The following KSR2 variants were observed in gnomAD, a reference collection of about 807,000 sequenced individuals.
KSR2 encodes the protein kinase suppressor of ras 2.
In KSR2, 25 loss-of-function variants were observed where a neutral mutation model predicts 107.8. The observed-to-expected ratio is 0.23, with a 90% CI of 0.17 to 0.32. KSR2 has a LOEUF of 0.32. Ranked by LOEUF, KSR2 falls within the 10% of genes least tolerant of loss-of-function variation. KSR2 has a pLI of 1.00. For missense variants in KSR2, 887 were observed against 1,268.9 expected, an observed-to-expected ratio of 0.70 and a Z score of 4.57; for synonymous variants, 480 against 507.0, an observed-to-expected ratio of 0.95 and a Z score of 0.71.
chr12:117,470,417 C>T (rs1261111830), intron 18 of KSR2, among the ~76,000 whole-genome samples: 4 of 152,264 alleles, frequency 2.6e-5, no homozygotes, highest in African/African-American at 9.6e-5. Context: ...ATCCGTTTAC[C>T]ATCCATCCAT....
At chr12:117,580,158 C>A (rs1388733933) in intron 6 of KSR2, among the ~76,000 whole-genome samples, 1 of 152,194 alleles carries the variant, frequency 6.6e-6, no homozygotes, top group East Asian at 1.9e-4. Flanking sequence ...CATCCCTCTG[C>A]TGGACCGTTT....
rs1896869601 is a variant in KSR2, at chr12:117,968,634, AGAG to A, written c.-382_-380del. ...AGAAGGAGGAGAGAGAGGAGGAGGG[AGAG>A]GAGGAGGAGGGAGAGGAGGAGGAGG... On this transcript the variant is annotated 5_prime_UTR_variant, in exon 1 of 20. Transcript: ENST00000339824. 55 of 269,166 alleles carry A rather than the reference AGAG, an allele frequency of 2.0e-4. No homozygotes were observed. The highest frequency in any genetic ancestry group is 6.7e-4 in the East Asian group (7 of 10,466). 16.7% of individuals were successfully genotyped at this position (269,166 alleles called of 1,614,324 possible).
intron 5 of KSR2, among the ~76,000 whole-genome samples, chr12:117,651,827 C>T (rs1165761679): frequency 6.6e-6 from 1 of 152,148 alleles, no homozygotes; most frequent in African/African-American, 2.4e-5. Context: ...GCAGCACCTA[C>T]ATCTTTGAAG....
chr12:117,739,052 A>T (rs675796), intron 4 of KSR2, among the ~76,000 whole-genome samples: 69,342 of 152,002 alleles, frequency 0.46, 17,480 homozygotes, highest in South Asian at 0.69. Context: ...TACATTAAAT[A>T]TATTTTAAAA....
chr12:117,480,022 A>ATG (rs752171470), intron 16 of KSR2, among the ~76,000 whole-genome samples: 25,939 of 141,900 alleles, frequency 0.18, 2,613 homozygotes, highest in East Asian at 0.25. Context: ...ATCATTACAC[A>ATG]TGTGTATGTG....
At chr12:117,674,239 C>T (rs1027323137) in intron 4 of KSR2, 2 of 488,128 alleles carry the variant, frequency 4.1e-6, no homozygotes, top group Non-Finnish European at 8.2e-6. Flanking sequence ...TACTCTCCAT[C>T]TCTAGCCCCA....
At chr12:117,709,832 C>A (rs1359437116) in intron 4 of KSR2, among the ~76,000 whole-genome samples, 2 of 152,180 alleles carry the variant, frequency 1.3e-5, no homozygotes, top group African/African-American at 4.8e-5. Flanking sequence ...CCAGTAGCAC[C>A]CCCACCCCAA....
At chr12:117,736,989 G>A (rs1887973744) in intron 4 of KSR2, among the ~76,000 whole-genome samples, 1 of 152,088 alleles carries the variant, frequency 6.6e-6, no homozygotes, top group African/African-American at 2.4e-5. Flanking sequence ...AGAAACACAG[G>A]GAAAACCGCA....
intron 4 of KSR2, among the ~76,000 whole-genome samples, chr12:117,685,059 T>G (rs1885514372): frequency 6.6e-6 from 1 of 152,200 alleles, no homozygotes; most frequent in South Asian, 2.1e-4. Context: ...CTGACAATGC[T>G]GCCTCTGCCC....
chr12:117,697,599 G>T (rs1318053794), intron 4 of KSR2, among the ~76,000 whole-genome samples: 1 of 152,064 alleles, frequency 6.6e-6, no homozygotes, highest in Non-Finnish European at 1.5e-5. Context: ...AATTAGCCAG[G>T]CATGGTGGCA....
chr12:117,695,992 C>T lies in KSR2; in HGVS notation c.987-28334G>A, dbSNP rs566830884. On this transcript the variant is annotated intron_variant, in intron 4 of 19. Transcript: ENST00000339824. Reference sequence around the variant, plus strand: ...CCAGCACAGTGAGAGAAGCCATCGGCGGGCTGGGCTGAGGCTGGTTCCCTT... The same window carrying T: ...CCAGCACAGTGAGAGAAGCCATCGGTGGGCTGGGCTGAGGCTGGTTCCCTT... Among the ~76,000 whole-genome samples, 9 of 152,270 alleles carry T rather than the reference C, an allele frequency of 5.9e-5. No individual in the cohort carries two copies. The East Asian group carries it at 1.5e-3, about 26-fold the overall frequency.
rs891679303 is a variant in KSR2 at position 117,471,467 on chromosome 12, T to C, written c.2583-147A>G. 4.0e-6 allele frequency: 3 copies of C among 743,222 alleles called. No homozygotes were observed. The African/African-American group carries it at 5.4e-5, about 13-fold the overall frequency. The allele number at this position is 743,222 out of a possible 1,614,324, so 46.0% of individuals were successfully genotyped here. A position where few individuals can be genotyped will look rare whatever the true frequency, so the allele number is the denominator to read the frequency against. ...TCCTCATGGGGTTGGTATTTTGCCA[T>C]GTGCGACATACCTAAAGCTTTCTTA... On this transcript the variant is annotated intron_variant, in intron 17 of 19. Coordinates refer to ENST00000339824, the MANE Select transcript of KSR2 (RefSeq NM_173598.6).
chr12:117,587,060 A>G (rs1880046241), intron 5 of KSR2, among the ~76,000 whole-genome samples: 1 of 152,212 alleles, frequency 6.6e-6, no homozygotes, highest in Non-Finnish European at 1.5e-5. Context: ...CACCCTGCTC[A>G]ACCCATCCTA....
At chr12:117,683,843 G>T (rs1885464764) in intron 4 of KSR2, among the ~76,000 whole-genome samples, 1 of 152,200 alleles carries the variant, frequency 6.6e-6, no homozygotes, top group Admixed American at 6.5e-5. Context: ...AATACCTTCG[G>T]CTTTGCAAGT....
chr12:117,635,074 G>C (rs554060433), intron 5 of KSR2, among the ~76,000 whole-genome samples: 1 of 152,084 alleles, frequency 6.6e-6, no homozygotes. Flanking sequence ...GTTAACCCAC[G>C]GCCAGTCTCC....
At chr12:117,539,583 G>T in intron 10 of KSR2, 136 bp downstream of exon 10, 2 of 755,242 alleles carry the variant, frequency 2.6e-6, no homozygotes, top group Non-Finnish European at 4.1e-6. Flanking sequence ...ATACTTCCTT[G>T]CCCCTCTCTG....
chr12:117,586,689 T>A (rs893993209), intron 5 of KSR2, among the ~76,000 whole-genome samples: 7 of 147,346 alleles, frequency 4.8e-5, no homozygotes, highest in Non-Finnish European at 9.0e-5. Flanking sequence ...TCTGCTGTGT[T>A]ACCGTGTGCC....
In KSR2 at chr12:117,506,698, G is replaced by C. The variant is rs149043296; in HGVS notation, c.2219+18154C>G. The stretch of plus-strand genomic sequence containing the variant: ...CAGAGTGCTATGCAGTTCTGACTCT[G>C]AGATGGGAGGAAAGAGAAATTTGGT... On this transcript the variant is annotated intron_variant, in intron 14 of 19. Coordinates refer to ENST00000339824, the MANE Select transcript of KSR2 (RefSeq NM_173598.6). Among the ~76,000 whole-genome samples the C allele has an allele frequency of 9.2e-5, 14 of 152,328 alleles. No homozygotes were observed. In the East Asian group the frequency reaches 2.5e-3, roughly 27 times the overall value.
intron 1 of KSR2, among the ~76,000 whole-genome samples, chr12:117,900,958 A>G (rs1278037836): frequency 3.9e-5 from 6 of 152,218 alleles, no homozygotes; most frequent in Non-Finnish European, 8.8e-5. Context: ...TCAAACCATT[A>G]AGACCAAAAC....
Sources: gnomAD v4.1 joint callset for allele counts (sites outside exome capture counted in the v4.1 genomes callset) on GRCh38, gnomAD v4.1.1 for gene constraint, MANE v1.5 for transcripts, NCBI Gene and HGNC (gene_info 2026-07-23, HGNC 2026-07-21) for gene names.